The following SLC16A13 variants were observed in gnomAD, a reference collection of about 807,000 sequenced individuals.
SLC16A13 encodes the protein solute carrier family 16 member 13.
Under a neutral mutation model 28.1 loss-of-function variants are expected in SLC16A13, and 28 were observed. The ratio of observed to expected loss-of-function variants is 1.00; its 90% CI spans 0.74 to 1.37. The LOEUF is 1.37. Among genes scored for constraint, SLC16A13 ranks in the 40% most tolerant of loss-of-function variants. The pLI, the probability that SLC16A13 is intolerant of heterozygous loss-of-function variation, is 0.00. For synonymous variants in SLC16A13, 228 were observed against 241.6 expected, an observed-to-expected ratio of 0.94 and a Z score of 0.52; for missense variants, 482 against 531.8, an observed-to-expected ratio of 0.91 and a Z score of 0.92.
Position 7,036,530 on chromosome 17 carries a change from G to A in SLC16A13, c.148G>A (p.Ala50Thr). ...TGTGGCGGCGTTTGAGGAGCAGGCAGCGCGCGTCTCCTGGATCGCCTCCAT... is the reference window on the plus strand; with the variant it reads ...TGTGGCGGCGTTTGAGGAGCAGGCAACGCGCGTCTCCTGGATCGCCTCCAT... The part of the protein sequence containing the change: ...EFVAAFEEQA[A>T]RVSWIASIGI... Residue 50 changes from alanine (A) to threonine (T), a missense_variant, in exon 1 of 4, where the codon GCG (alanine) becomes ACG (threonine). By Grantham distance (58) the Ala-to-Thr change is moderately conservative. Transcript: ENST00000308027. 6.2e-7 allele frequency: 1 copy of A among 1,612,506 alleles called. No individual in the cohort carries two copies. Among genetic ancestry groups the A allele is most frequent in the Non-Finnish European group, 8.5e-7 (1 of 1,180,038 alleles).
rs1468892378 is a variant in SLC16A13 at position 7,039,961 on chromosome 17, G to C, written c.1280G>C (p.Ter427SerextTer12). Residue 427 changes from the stop codon to serine (S), a stop_lost, in exon 4 of 4, where the codon TGA (stop) becomes TCA (serine). Coordinates refer to ENST00000308027, the MANE Select transcript of SLC16A13 (RefSeq NM_201566.3). The surrounding 1 kb of genome is among the most constrained non-coding windows in gnomAD (Gnocchi z 4.3). ...CCCAAGGAGGGGCTGGAAGAGGACT[G>C]AACTCCACAGAGTCAGGCCCAGAAA... Reference protein sequence around the residue: ...PLPKEGLEED* With the variant: ...PLPKEGLEEDS 7 of 1,612,892 alleles carry C rather than the reference G, an allele frequency of 4.3e-6. No homozygotes were observed. Among genetic ancestry groups the C allele is most frequent in the Non-Finnish European group, 5.9e-6 (7 of 1,179,878 alleles).
Position 7,038,489 on chromosome 17 carries a change from C to T in SLC16A13, c.681C>T (p.Asn227=). The T allele has an allele frequency of 6.2e-7, 1 of 1,614,276 alleles. No homozygotes were observed. Among genetic ancestry groups the T allele is most frequent in the Non-Finnish European group, 8.5e-7 (1 of 1,180,058 alleles). The change falls in exon 3 of 4, where the codon AAC becomes AAT. Residue 227 remains asparagine, a synonymous_variant. Transcript: ENST00000308027. The surrounding 1 kb of genome is among the most constrained non-coding windows in gnomAD (Gnocchi z 5.7). ...LRYTVALTLI[N]TGYFIPYLHL... ...ACACTGTTGCCCTCACCCTGATCAA[C>T]ACTGGCTACTTCATTCCCTACCTCC...
chr17:7,037,027 C>T, intron 2 of SLC16A13, 157 bp downstream of exon 2: 2 of 932,256 alleles, frequency 2.1e-6, no homozygotes, highest in Non-Finnish European at 3.2e-6. Context: ...ACTAAAGCGA[C>T]AAACATGGTG....
At position 7,037,212 on chromosome 17, in the gene SLC16A13, G is replaced by C. The variant is rs551811917; in HGVS notation, c.343+342G>C. Reference sequence around the variant, plus strand: ...AAAAATACAAAAATTAGCCGGGCCTGGTGGCGCTAATCCCAGTTACTCGGG... The same window carrying C: ...AAAAATACAAAAATTAGCCGGGCCTCGTGGCGCTAATCCCAGTTACTCGGG... On this transcript the variant is annotated intron_variant, in intron 2 of 3. Coordinates refer to ENST00000308027, the MANE Select transcript of SLC16A13 (RefSeq NM_201566.3). The C allele has an allele frequency of 1.4e-3, 257 of 181,186 alleles. 10 individuals carry two copies. Among genetic ancestry groups the C allele is most frequent in the South Asian group, 2.5e-3 (29 of 11,486 alleles). 11.2% of individuals were successfully genotyped at this position (181,186 alleles called of 1,614,324 possible). A position where few individuals can be genotyped will look rare whatever the true frequency, so the allele number is the denominator to read the frequency against.
rs76070643 is a variant in SLC16A13 at position 7,038,306 on chromosome 17, C to A, written c.498C>A (p.Tyr166Ter). 6.2e-7 allele frequency: 1 copy of A among 1,614,092 alleles called. No homozygotes were observed. The highest frequency in any genetic ancestry group is 8.5e-7 in the Non-Finnish European group (1 of 1,180,022). Reference protein sequence around the residue: ...APFFQWLLSHYAWRGSLLLVS... With the variant: ...APFFQWLLSH ...TTTTCCAGTGGCTGCTCAGCCACTA[C>A]GCCTGGAGGGGGTCCCTGCTGCTGG... is the stretch of plus-strand genomic sequence containing the variant. Residue 166 changes from tyrosine to a stop codon, truncating the protein, a stop_gained, in exon 3 of 4, where the codon TAC (tyrosine) becomes TAA (stop). Coordinates refer to ENST00000308027, the MANE Select transcript of SLC16A13 (RefSeq NM_201566.3). LOFTEE classifies it high-confidence loss of function. The surrounding 1 kb of genome is among the most constrained non-coding windows in gnomAD (Gnocchi z 5.7).
At position 7,038,963 on chromosome 17, in the gene SLC16A13, C is replaced by T; in HGVS notation, c.1081+74C>T. On this transcript the variant is annotated intron_variant, in intron 3 of 3. Transcript: ENST00000308027. This position sits in a 1 kb window ranked among gnomAD's most constrained non-coding sequence, Gnocchi z 5.7. ...CTAGGGGAGGGTACTATTCTCATTA[C>T]AGTGTATGTGAATATTGCCCTCTGG... 2.0e-6 allele frequency: 3 copies of T among 1,513,916 alleles called. No homozygotes were observed. Among genetic ancestry groups the T allele is most frequent in the South Asian group, 1.3e-5 (1 of 77,240 alleles). 93.8% of individuals were successfully genotyped at this position (1,513,916 alleles called of 1,614,324 possible).
At chr17:7,037,031 C>A in intron 2 of SLC16A13, 161 bp downstream of exon 2, 1 of 908,842 alleles carries the variant, frequency 1.1e-6, no homozygotes, top group Non-Finnish European at 1.6e-6. Context: ...AAGCGACAAA[C>A]ATGGTGAGGA....
At position 7,036,015 on chromosome 17, in the gene SLC16A13, AC is replaced by A. The variant is rs1421130202; in HGVS notation, c.-367del. 2 of 198,022 alleles carry A rather than the reference AC, an allele frequency of 1.0e-5. No individual in the cohort carries two copies. The highest frequency in any genetic ancestry group is 4.7e-5 in the African/African-American group (2 of 42,900). The allele number at this position is 198,022 out of a possible 1,614,324, so 12.3% of individuals were successfully genotyped here. A position where few individuals can be genotyped will look rare whatever the true frequency, so the allele number is the denominator to read the frequency against. The stretch of plus-strand genomic sequence containing the variant: ...ACCCCAGTGATAAAATAGATCATCT[AC>A]ACGGAAACTGGCGCGCTCCAGGGGT... On this transcript the variant is annotated 5_prime_UTR_variant, in exon 1 of 4. Coordinates refer to ENST00000308027, the MANE Select transcript of SLC16A13 (RefSeq NM_201566.3).
Position 7,036,708 on chromosome 17 carries a change from G to A in SLC16A13, c.200-19G>A, listed in dbSNP as rs371021014. The A allele has an allele frequency of 2.5e-6, 4 of 1,610,328 alleles. No individual in the cohort carries two copies. In the East Asian group the frequency reaches 8.9e-5, roughly 36 times the overall value. On this transcript the variant is annotated intron_variant, in intron 1 of 3. Transcript: ENST00000308027. ...GAGACCCCTGAGATCTTCTCGCAGC[G>A]CCCCTTCCACTTCCTCAGGCCCGGT... is the stretch of plus-strand genomic sequence containing the variant.
rs1555571701 is a variant in SLC16A13 at position 7,036,488 on chromosome 17, G to A, written c.106G>A (p.Val36Ile). 6.2e-6 allele frequency: 10 copies of A among 1,612,476 alleles called. No homozygotes were observed. Among genetic ancestry groups the A allele is most frequent in the Non-Finnish European group, 8.5e-6 (10 of 1,180,036 alleles). ...LVFGVLRSFG[V>I]FFVEFVAAFE... Reference sequence around the variant, plus strand: ...GTTTGGGGTGCTCCGCTCCTTTGGGGTCTTCTTCGTGGAGTTTGTGGCGGC... The same window carrying A: ...GTTTGGGGTGCTCCGCTCCTTTGGGATCTTCTTCGTGGAGTTTGTGGCGGC... Residue 36 changes from valine (V) to isoleucine (I), a missense_variant, in exon 1 of 4, where the codon GTC becomes ATC. By Grantham distance (29) the Val-to-Ile change is conservative. Coordinates refer to ENST00000308027, the MANE Select transcript of SLC16A13 (RefSeq NM_201566.3).
In SLC16A13 at chr17:7,038,954, T is replaced by G. The variant is rs1466725452; in HGVS notation, c.1081+65T>G. 9 of 1,535,744 alleles carry G rather than the reference T, an allele frequency of 5.9e-6. No homozygotes were observed. The highest frequency in any genetic ancestry group is 7.9e-6 in the Non-Finnish European group (9 of 1,145,498). ...GTTGCACAACTAGGGGAGGGTACTATTCTCATTACAGTGTATGTGAATATT... is the reference window on the plus strand; with the variant it reads ...GTTGCACAACTAGGGGAGGGTACTAGTCTCATTACAGTGTATGTGAATATT... On this transcript the variant is annotated intron_variant, in intron 3 of 3. Transcript: ENST00000308027. This position sits in a 1 kb window ranked among gnomAD's most constrained non-coding sequence, Gnocchi z 5.7.
In SLC16A13 at chr17:7,039,757, AC is replaced by A. The variant is rs1301213552; in HGVS notation, c.1082-4del. The A allele has an allele frequency of 6.2e-7, 1 of 1,614,092 alleles. No individual in the cohort carries two copies. Among genetic ancestry groups the A allele is most frequent in the African/African-American group, 1.3e-5 (1 of 74,998 alleles). On this transcript the variant is annotated splice_polypyrimidine_tract_variant and splice_region_variant and intron_variant, in intron 3 of 3. Transcript: ENST00000308027. The surrounding 1 kb of genome is among the most constrained non-coding windows in gnomAD (Gnocchi z 4.3). ...CATGTGTATTCTTTTTCTCTCTTGG[AC>A]CTAGGCTACCTCCGGGATGTGACAG...
At position 7,036,279 on chromosome 17, in the gene SLC16A13, C is replaced by A; in HGVS notation, c.-104C>A. 8.1e-7 allele frequency: 1 copy of A among 1,233,290 alleles called. No homozygotes were observed. The highest frequency in any genetic ancestry group is 1.1e-6 in the Non-Finnish European group (1 of 886,096). 76.4% of individuals were successfully genotyped at this position (1,233,290 alleles called of 1,614,324 possible). On this transcript the variant is annotated 5_prime_UTR_variant, in exon 1 of 4. Coordinates refer to ENST00000308027, the MANE Select transcript of SLC16A13 (RefSeq NM_201566.3). Reference sequence around the variant, plus strand: ...CTCTACCTGCCTCTCCAACCCCTCTCGGCCCCGAGCCACCCGGCAGCGGGG... The same window carrying A: ...CTCTACCTGCCTCTCCAACCCCTCTAGGCCCCGAGCCACCCGGCAGCGGGG...
rs1967272 is a variant in SLC16A13 at position 7,039,384 on chromosome 17, C to T, written c.1082-379C>T. ...CTGAGGCAGGAGAATGGCATGAACCCGGGAGGCGGAGCTTGCAGTGAGCTG... is the reference window on the plus strand; with the variant it reads ...CTGAGGCAGGAGAATGGCATGAACCTGGGAGGCGGAGCTTGCAGTGAGCTG... On this transcript the variant is annotated intron_variant, in intron 3 of 3. Coordinates refer to ENST00000308027, the MANE Select transcript of SLC16A13 (RefSeq NM_201566.3). This position sits in a 1 kb window ranked among gnomAD's most constrained non-coding sequence, Gnocchi z 4.3. Among the ~76,000 whole-genome samples the T allele has an allele frequency of 0.086, 13,046 of 151,036 alleles. 754 individuals are homozygous for T. The highest frequency in any genetic ancestry group is 0.3 in the South Asian group (1,420 of 4,792).
rs1179696812 is a variant in SLC16A13, at chr17:7,036,728, C to A, written c.201C>A (p.Ser67Arg). The change falls in exon 2 of 4, where the codon AGC (serine) becomes AGA (arginine). Residue 67 changes from serine (S) to arginine (R), a missense_variant and splice_region_variant. Physicochemically the swap from Ser to Arg is moderately radical, Grantham distance 110. Transcript: ENST00000308027. ...SIGIAVQQFG[S>R]PVGSALSTKF... ...GCAGCGCCCCTTCCACTTCCTCAGG[C>A]CCGGTAGGCAGTGCCCTGAGCACGA... 6.2e-7 allele frequency: 1 copy of A among 1,612,380 alleles called. No homozygotes were observed.
At position 7,039,011 on chromosome 17, in the gene SLC16A13, G is replaced by A. The variant is rs78972129; in HGVS notation, c.1081+122G>A. The A allele has an allele frequency of 0.016, 21,807 of 1,322,776 alleles. 1,399 individuals are homozygous for A. The Admixed American group carries it at 0.22, about 13-fold the overall frequency. The allele number at this position is 1,322,776 out of a possible 1,614,324, so 81.9% of individuals were successfully genotyped here. A position where few individuals can be genotyped will look rare whatever the true frequency, so the allele number is the denominator to read the frequency against. On this transcript the variant is annotated intron_variant, in intron 3 of 3. Transcript: ENST00000308027. This position sits in a 1 kb window ranked among gnomAD's most constrained non-coding sequence, Gnocchi z 4.3. Reference sequence around the variant, plus strand: ...TGGTGTAGTACAGTACACAGCCTGCGTGGCCAACCATAGCATCCCTGAAAT... The same window carrying A: ...TGGTGTAGTACAGTACACAGCCTGCATGGCCAACCATAGCATCCCTGAAAT...
At position 7,039,793 on chromosome 17, in the gene SLC16A13, C is replaced by G; in HGVS notation, c.1112C>G (p.Thr371Arg). 1 of 1,614,180 alleles carries G rather than the reference C, an allele frequency of 6.2e-7. No homozygotes were observed. Among genetic ancestry groups the G allele is most frequent in the Non-Finnish European group, 8.5e-7 (1 of 1,180,026 alleles). ...GYLRDVTGNY[T>R]ASFVVAGAFL... ...CTCCGGGATGTGACAGGCAACTACA[C>G]GGCTTCTTTTGTGGTGGCTGGGGCC... The change falls in exon 4 of 4, where the codon ACG becomes AGG. Residue 371 changes from threonine to arginine, a missense_variant. Transcript: ENST00000308027. The surrounding 1 kb of genome is among the most constrained non-coding windows in gnomAD (Gnocchi z 4.3).
At chr17:7,036,956 G>A in intron 2 of SLC16A13, 86 bp downstream of exon 2, 6 of 1,513,676 alleles carry the variant, frequency 4.0e-6, no homozygotes, top group Non-Finnish European at 5.3e-6. Flanking sequence ...AGGGTTCGGG[G>A]AGAAGCTGAG....
At chr17:7,037,025 G>T in intron 2 of SLC16A13, 155 bp downstream of exon 2, 1 of 937,410 alleles carries the variant, frequency 1.1e-6, no homozygotes, top group South Asian at 1.7e-5. Flanking sequence ...TGACTAAAGC[G>T]ACAAACATGG....
Sources: gnomAD v4.1 joint callset for allele counts (sites outside exome capture counted in the v4.1 genomes callset) on GRCh38, gnomAD v4.1.1 for gene constraint, Gnocchi (gnomAD v3.1) non-coding constraint, MANE v1.5 for transcripts, NCBI Gene and HGNC (gene_info 2026-07-23, HGNC 2026-07-21) for gene names.